The following RASGRP3 variants were observed in gnomAD, a reference collection of about 807,000 sequenced individuals.
RASGRP3 encodes the protein RAS guanyl releasing protein 3.
Under a neutral mutation model 82.7 loss-of-function variants are expected in RASGRP3, and 54 were observed. The observed-to-expected ratio is 0.65, with a 90% CI of 0.52 to 0.82. The LOEUF (loss-of-function observed/expected upper bound fraction) is 0.82, where lower values mean the gene tolerates loss of function less well. Among genes scored for constraint, RASGRP3 ranks in the 40% least tolerant of loss-of-function variants. The pLI is 0.00. For missense variants in RASGRP3, 861 were observed against 828.9 expected (o/e 1.04, Z -0.48); for synonymous variants, 309 against 300.5 (o/e 1.03, Z -0.29).
At chr2:33,462,197 C>T (rs745540199) in intron 2 of RASGRP3, among the ~76,000 whole-genome samples, 19 of 152,012 alleles carry the variant, frequency 1.2e-4, no homozygotes, top group African/African-American at 4.6e-4. Flanking sequence ...AGAAAGTGAG[C>T]ATCATTCTCC....
At chr2:33,562,427 C>G (rs559186065) in intron 17 of RASGRP3, among the ~76,000 whole-genome samples, 2 of 152,034 alleles carry the variant, frequency 1.3e-5, no homozygotes, top group East Asian at 3.9e-4. Context: ...GCCACCATAC[C>G]CAGCTGGTTT....
At position 33,560,666 on chromosome 2, in the gene RASGRP3, G is replaced by A. The variant is rs138978954; in HGVS notation, c.2064+1636G>A. Among the ~76,000 whole-genome samples, 160 of 152,350 alleles carry A rather than the reference G, an allele frequency of 1.1e-3. 1 individual carries two copies. Among genetic ancestry groups the A allele is most frequent in the East Asian group, 5.0e-3 (26 of 5,188 alleles). On this transcript the variant is annotated intron_variant, in intron 17 of 17. Transcript: ENST00000403687. ...AACTCAGCCTGCAGAGGCTGTTTCC[G>A]TGGGTGCTGTAGCTGCCCCTGGAAT... is the stretch of plus-strand genomic sequence containing the variant.
At chr2:33,483,512 G>A (rs1007375516) in intron 1 of RASGRP3, among the ~76,000 whole-genome samples, 36 of 119,476 alleles carry the variant, frequency 3.0e-4, no homozygotes, top group Middle Eastern at 5.3e-3. Flanking sequence ...TTTTTGAGAC[G>A]GATTCTCACT....
chr2:33,462,409 T>G (rs1347839110), intron 2 of RASGRP3, among the ~76,000 whole-genome samples: 1 of 149,830 alleles, frequency 6.7e-6, no homozygotes, highest in Non-Finnish European at 1.5e-5. Flanking sequence ...AGACAGAGTC[T>G]CGCTCTGTTG....
intron 17 of RASGRP3, among the ~76,000 whole-genome samples, chr2:33,562,374 C>A (rs545760624): frequency 2.6e-5 from 4 of 151,200 alleles, no homozygotes; most frequent in Non-Finnish European, 5.9e-5. Context: ...CTCAAGTGAT[C>A]CTCCCATCTC....
intron 1 of RASGRP3, among the ~76,000 whole-genome samples, chr2:33,507,773 G>A (rs544198479): frequency 8.5e-5 from 13 of 152,126 alleles, no homozygotes; most frequent in East Asian, 1.9e-4. Context: ...TGATCCACCC[G>A]CCACAGCCTC....
chr2:33,563,216 GTT>G lies in RASGRP3; in HGVS notation c.*482_*483del, dbSNP rs1227443234. 6.5e-6 allele frequency: 1 copy of G among 154,028 alleles called. No individual in the cohort carries two copies. Among genetic ancestry groups the G allele is most frequent in the African/African-American group, 2.4e-5 (1 of 41,146 alleles). 9.5% of individuals were successfully genotyped at this position (154,028 alleles called of 1,614,324 possible). A position where few individuals can be genotyped will look rare whatever the true frequency, so the allele number is the denominator to read the frequency against. On this transcript the variant is annotated 3_prime_UTR_variant, in exon 18 of 18. Transcript: ENST00000403687. ...TTTTTTGTTTTTCTTGTTTTGTTTT[GTT>G]TTGTTTTGTTCTTCTTGGTGTGCTT...
intron 1 of RASGRP3, chr2:33,482,046 C>A (rs1574300383): frequency 1.3e-5 from 2 of 148,968 alleles, no homozygotes; most frequent in Admixed American, 6.7e-5. Context: ...TGGAGTCTCG[C>A]TTTGTCGCCC....
chr2:33,529,756 T>C (rs1295021240), intron 10 of RASGRP3, among the ~76,000 whole-genome samples: 1 of 152,096 alleles, frequency 6.6e-6, no homozygotes, highest in Non-Finnish European at 1.5e-5. Flanking sequence ...TGACTTTGGC[T>C]TTTTTTAAAC....
At position 33,470,005 on chromosome 2, in the gene RASGRP3, G is replaced by A. The variant is rs73926671; in HGVS notation, c.-261+22062G>A. Among the ~76,000 whole-genome samples the A allele has an allele frequency of 4.1e-3, 628 of 152,216 alleles. 2 individuals carry two copies. The highest frequency in any genetic ancestry group is 0.014 in the African/African-American group (596 of 41,528). ...CATTGCTCTAGTTCTTTTGGCACTAGTACCAAACTTTAAATTCACGTTATT... is the reference window on the plus strand; with the variant it reads ...CATTGCTCTAGTTCTTTTGGCACTAATACCAAACTTTAAATTCACGTTATT... On this transcript the variant is annotated intron_variant, in intron 2 of 18. Coordinates refer to the RASGRP3 transcript ENST00000402538.
intron 2 of RASGRP3, among the ~76,000 whole-genome samples, chr2:33,469,005 C>T (rs534676118): frequency 1.3e-5 from 2 of 148,324 alleles, no homozygotes; most frequent in African/African-American, 2.5e-5. Context: ...TTTTCCAAAC[C>T]TCCTGCCAAC....
At chr2:33,445,159 C>G (rs1044269205) in intron 1 of RASGRP3, among the ~76,000 whole-genome samples, 2 of 152,180 alleles carry the variant, frequency 1.3e-5, no homozygotes, top group Non-Finnish European at 2.9e-5. Context: ...TGCCAGTCAG[C>G]TGGTGTGATA....
At chr2:33,517,414 G>A (rs550868768) in intron 4 of RASGRP3, among the ~76,000 whole-genome samples, 11 of 152,296 alleles carry the variant, frequency 7.2e-5, no homozygotes, top group African/African-American at 2.2e-4. Flanking sequence ...CCCTGGAGAT[G>A]AGTGAGAACC....
intron 2 of RASGRP3, among the ~76,000 whole-genome samples, chr2:33,469,867 G>A (rs1666954067): frequency 6.6e-6 from 1 of 152,174 alleles, no homozygotes; most frequent in Non-Finnish European, 1.5e-5. Flanking sequence ...GATTTAACCT[G>A]TTTTTGAATA....
intron 13 of RASGRP3, among the ~76,000 whole-genome samples, chr2:33,547,686 G>C (rs1398651093): frequency 1.2e-4 from 19 of 152,152 alleles, no homozygotes; most frequent in Admixed American, 1.2e-3. Context: ...CTGTAAGCTG[G>C]AGTCTCGATC....
Position 33,459,103 on chromosome 2 carries a change from A to G in RASGRP3, c.-261+11160A>G, listed in dbSNP as rs555022163. The stretch of plus-strand genomic sequence containing the variant: ...AAATTTTAATGCCTCTCATATTACA[A>G]TCTTGATCCTCAAAGTGGACATTTC... On this transcript the variant is annotated intron_variant, in intron 2 of 18. Coordinates refer to the RASGRP3 transcript ENST00000402538. 4.6e-5 allele frequency among the ~76,000 whole-genome samples: 7 copies of G among 152,180 alleles called. No homozygotes were observed. In the South Asian group the frequency reaches 8.3e-4, roughly 18 times the overall value.
chr2:33,500,496 A>G (rs1458803508), intron 1 of RASGRP3, among the ~76,000 whole-genome samples: 1 of 152,148 alleles, frequency 6.6e-6, no homozygotes, highest in African/African-American at 2.4e-5. Context: ...ACAACTGGGA[A>G]GTAGGTGATC....
chr2:33,484,509 A>G lies in RASGRP3; in HGVS notation c.-261+7802A>G, dbSNP rs75020547. 7.5e-3 allele frequency among the ~76,000 whole-genome samples: 1,139 copies of G among 152,182 alleles called. 13 individuals carry two copies. The highest frequency in any genetic ancestry group is 0.026 in the African/African-American group (1,096 of 41,490). ...TGGAATGCTTGCCGTTCAAAATCAT[A>G]TGAGTTGACACGATGCTTTAGAGAT... On this transcript the variant is annotated intron_variant, in intron 1 of 17. Transcript: ENST00000403687.
At position 33,558,714 on chromosome 2, in the gene RASGRP3, A is replaced by G. The variant is rs1034729503; in HGVS notation, c.1748A>G (p.His583Arg). Residue 583 changes from histidine (H) to arginine (R), a missense_variant, in exon 17 of 18, where the codon CAC (histidine) becomes CGC (arginine). His to Arg is a conservative substitution (Grantham distance 29). Coordinates refer to ENST00000403687, the MANE Select transcript of RASGRP3 (RefSeq NM_001139488.2). ...GAGTTCCCTGGAGTCACTGCTGGAC[A>G]CAGGGATTTAGACAGCAGAGCCATC... is the stretch of plus-strand genomic sequence containing the variant. ...VFEFPGVTAG[H>R]RDLDSRAITL... 6 of 1,613,272 alleles carry G rather than the reference A, an allele frequency of 3.7e-6. No individual in the cohort carries two copies. Among genetic ancestry groups the G allele is most frequent in the Non-Finnish European group, 5.1e-6 (6 of 1,179,684 alleles).
Sources: allele counts gnomAD v4.1 joint callset (sites outside exome capture counted in the v4.1 genomes callset), GRCh38; gene constraint gnomAD v4.1.1; transcripts MANE v1.5; gene names NCBI Gene and HGNC (gene_info 2026-07-23, HGNC 2026-07-21).